ATF6: variants seen among roughly 807,000 people sequenced by gnomAD.
The protein encoded by ATF6 is activating transcription factor 6.
Under a neutral mutation model 83.6 loss-of-function variants are expected in ATF6, and 53 were observed. The observed-to-expected ratio is 0.63, with a 90% CI of 0.51 to 0.80. ATF6 has a LOEUF of 0.80. ATF6 is among the 30% of genes least tolerant of loss of function. ATF6 has a pLI of 0.00. For synonymous variants in ATF6, 288 were observed against 285.8 expected (o/e 1.01, Z -0.08); for missense variants, 744 against 797.9 (o/e 0.93, Z 0.81).
rs554818991 is a variant in ATF6, at chr1:161,948,072, C to A, written c.1805-10374C>A. ...CTCCTGACCTCAAGTGATCCACCCC[C>A]CCGTCAGCCTCCCAAAGTACCTTAA... On this transcript the variant is annotated intron_variant, in intron 15 of 15. Coordinates refer to ENST00000367942, the MANE Select transcript of ATF6 (RefSeq NM_007348.4). Among the ~76,000 whole-genome samples, 8 of 152,116 alleles carry A rather than the reference C, an allele frequency of 5.3e-5. No homozygotes were observed. In the East Asian group the frequency reaches 7.7e-4, roughly 15 times the overall value.
intron 7 of ATF6, among the ~76,000 whole-genome samples, chr1:161,807,219 C>T (rs1685309135): frequency 1.3e-5 from 2 of 152,206 alleles, no homozygotes; most frequent in East Asian, 3.9e-4. Flanking sequence ...AAAAATATGT[C>T]TATAATAATC....
At chr1:161,839,640 C>T (rs181460249) in intron 9 of ATF6, among the ~76,000 whole-genome samples, 142 of 152,202 alleles carry the variant, frequency 9.3e-4, no homozygotes, top group African/African-American at 3.0e-3. Flanking sequence ...CACAAAATTC[C>T]GGGATTACAG....
At chr1:161,821,204 T>A (rs528455938) in intron 9 of ATF6, 43 bp downstream of exon 9, 31 of 1,323,244 alleles carry the variant, frequency 2.3e-5, no homozygotes, top group Middle Eastern at 3.7e-4. Flanking sequence ...TGCTAAAAAC[T>A]TAAATTCTCA....
At chr1:161,940,559 C>CTTTTTTTTTTTTTTTTTTTTTTTTT (rs71301060) in intron 15 of ATF6, among the ~76,000 whole-genome samples, 1 of 118,424 alleles carries the variant, frequency 8.4e-6, no homozygotes. Flanking sequence ...TCCTTCAGAT[C>CTTTTTTTTTTTTTTTTTTTTTTTTT]TTTTTTTTTT....
chr1:161,906,735 A>C (rs1687883846), intron 14 of ATF6, among the ~76,000 whole-genome samples: 1 of 152,182 alleles, frequency 6.6e-6, no homozygotes, highest in Admixed American at 6.5e-5. Flanking sequence ...GTTTTGATTT[A>C]TTCTTCTGGC....
At chr1:161,771,848 G>T (rs572806149) in intron 1 of ATF6, among the ~76,000 whole-genome samples, 1 of 152,260 alleles carries the variant, frequency 6.6e-6, no homozygotes, top group East Asian at 1.9e-4. Flanking sequence ...CTTCCATCAT[G>T]ATTCTTGGAT....
At chr1:161,887,305 C>A (rs1193848179) in intron 14 of ATF6, among the ~76,000 whole-genome samples, 1 of 151,954 alleles carries the variant, frequency 6.6e-6, no homozygotes, top group Non-Finnish European at 1.5e-5. Flanking sequence ...GTCTCGAGCT[C>A]CTGACCTCAA....
intron 15 of ATF6, among the ~76,000 whole-genome samples, chr1:161,946,686 C>T (rs190044179): frequency 1.3e-5 from 2 of 152,284 alleles, no homozygotes; most frequent in Admixed American, 6.5e-5. Context: ...AAATGGAACA[C>T]TGGAATGTGA....
At chr1:161,798,119 T>C (rs1040952512) in intron 6 of ATF6, among the ~76,000 whole-genome samples, 7 of 152,162 alleles carry the variant, frequency 4.6e-5, no homozygotes, top group Non-Finnish European at 1.0e-4. Flanking sequence ...TGCAGAAGAT[T>C]GAAACTGGAT....
chr1:161,925,083 G>A (rs890824619), intron 15 of ATF6, among the ~76,000 whole-genome samples: 5 of 152,124 alleles, frequency 3.3e-5, no homozygotes, highest in African/African-American at 9.7e-5. Flanking sequence ...CAAACCTTCA[G>A]CTGTGTGTAT....
At position 161,960,179 on chromosome 1, in the gene ATF6, A is replaced by G. The variant is rs1474097882; in HGVS notation, c.*1525A>G. ...ATTATGTTTCATTTGATGAATTCAT[A>G]GAACTGGATCTCATACAGCGATGTC... is the stretch of plus-strand genomic sequence containing the variant. On this transcript the variant is annotated 3_prime_UTR_variant, in exon 16 of 16. Transcript: ENST00000367942. 6.6e-6 allele frequency: 1 copy of G among 151,746 alleles called. No individual in the cohort carries two copies. The highest frequency in any genetic ancestry group is 2.4e-5 in the African/African-American group (1 of 41,268). The allele number at this position is 151,746 out of a possible 1,614,324, so 9.4% of individuals were successfully genotyped here. A position where few individuals can be genotyped will look rare whatever the true frequency, so the allele number is the denominator to read the frequency against.
intron 2 of ATF6, among the ~76,000 whole-genome samples, chr1:161,779,470 A>G (rs1291552533): frequency 6.6e-6 from 1 of 152,192 alleles, no homozygotes; most frequent in Non-Finnish European, 1.5e-5. Context: ...ACGGCAATAG[A>G]ATTTCCCATG....
intron 9 of ATF6, among the ~76,000 whole-genome samples, chr1:161,835,398 A>C (rs992647597): frequency 3.3e-5 from 5 of 152,098 alleles, no homozygotes; most frequent in Admixed American, 2.0e-4. Context: ...AGCCCTACCC[A>C]AGACCTATGA....
intron 14 of ATF6, among the ~76,000 whole-genome samples, chr1:161,904,017 T>C (rs1002419439): frequency 6.6e-6 from 1 of 152,238 alleles, no homozygotes; most frequent in South Asian, 2.1e-4. Context: ...GATTCTGATA[T>C]GTATCTTTTG....
intron 4 of ATF6, among the ~76,000 whole-genome samples, chr1:161,787,567 A>G (rs1418787873): frequency 6.6e-6 from 1 of 151,996 alleles, no homozygotes; most frequent in Non-Finnish European, 1.5e-5. Flanking sequence ...GGACCCTGAC[A>G]TTCCACCAGG....
At chr1:161,955,242 T>C (rs1452696796) in intron 15 of ATF6, among the ~76,000 whole-genome samples, 2 of 152,182 alleles carry the variant, frequency 1.3e-5, no homozygotes, top group African/African-American at 4.8e-5. Context: ...TTCCTTTCCT[T>C]CCTATCTAAG....
At chr1:161,900,679 C>G (rs564530585) in intron 14 of ATF6, among the ~76,000 whole-genome samples, 35 of 152,102 alleles carry the variant, frequency 2.3e-4, no homozygotes, top group African/African-American at 8.4e-4. Context: ...TAAAGTATCT[C>G]CTTAATGTTA....
intron 15 of ATF6, among the ~76,000 whole-genome samples, chr1:161,938,300 C>T (rs1263403019): frequency 2.0e-5 from 3 of 152,088 alleles, no homozygotes; most frequent in Non-Finnish European, 2.9e-5. Context: ...TATAGATTTG[C>T]GTTTTGGACT....
At chr1:161,862,812 A>G (rs991803455) in intron 13 of ATF6, among the ~76,000 whole-genome samples, 1 of 152,180 alleles carries the variant, frequency 6.6e-6, no homozygotes, top group South Asian at 2.1e-4. Flanking sequence ...ACCTTCATAT[A>G]TTCGACAGGG....
Sources: allele counts gnomAD v4.1 joint callset (sites outside exome capture counted in the v4.1 genomes callset), GRCh38; gene constraint gnomAD v4.1.1; transcripts MANE v1.5; gene names NCBI Gene and HGNC (gene_info 2026-07-23, HGNC 2026-07-21).